ASMTL: variants seen among roughly 807,000 people sequenced by gnomAD.
The protein encoded by ASMTL is probable bifunctional dTTP/UTP pyrophosphatase/methyltransferase protein.
Under a neutral mutation model 60.3 loss-of-function variants are expected in ASMTL, and 57 were observed. That is an observed-to-expected ratio of 0.95 (90% CI 0.76 to 1.18). The LOEUF is 1.18. Ranked by LOEUF, ASMTL falls within the 50% of genes most tolerant of loss-of-function variation. ASMTL has a pLI of 0.00. For missense variants in ASMTL, 981 were observed against 852.6 expected (o/e 1.15, Z -1.88); for synonymous variants, 419 against 373.0 (o/e 1.12, Z -1.42).
At chrX:1,417,631 GCACACATATACCCACACAGACACA>G (rs1241110018) in intron 11 of ASMTL, among the ~76,000 whole-genome samples, 1 of 149,606 alleles carries the variant, frequency 6.7e-6, no homozygotes, top group African/African-American at 2.5e-5. Flanking sequence ...ACACAGACAT[GCACACATATACCCACACAGACACA>G]CACACATACT....
intron 6 of ASMTL, among the ~76,000 whole-genome samples, chrX:1,431,271 TTA>T (rs1352557714): frequency 2.3e-5 from 3 of 129,522 alleles, no homozygotes; most frequent in African/African-American, 8.6e-5. Flanking sequence ...AATTATATAT[TTA>T]TATATAAATA....
chrX:1,421,107 G>A (rs111928088), intron 9 of ASMTL, among the ~76,000 whole-genome samples: 13,471 of 151,850 alleles, frequency 0.089, 755 homozygotes, highest in Admixed American at 0.14. Flanking sequence ...CTACAGGCAC[G>A]CGCCATCATC....
intron 10 of ASMTL, 109 bp from the exon 11 acceptor site, chrX:1,418,225 C>T (rs1453370123): frequency 3.9e-6 from 5 of 1,280,154 alleles, no homozygotes; most frequent in Non-Finnish European, 5.3e-6. Flanking sequence ...GGCATTGATT[C>T]CCATGCTGGA....
At position 1,442,309 on chromosome X, in the gene ASMTL, C is replaced by A; in HGVS notation, c.102G>T (p.Arg34Ser). Reference protein sequence around the residue: ...RQEILSNAGLRFEVVPSKFKE... With the variant: ...RQEILSNAGLSFEVVPSKFKE... ...TAAACTTGGAGGGGACCACCTCAAA[C>A]CTGAGACCCTGCAACAGTAGAAAAG... Residue 34 changes from arginine to serine, a missense_variant, in exon 2 of 13, where the codon AGG becomes AGT. Arg to Ser is a moderately radical substitution (Grantham distance 110, BLOSUM62 -1). Coordinates refer to ENST00000381317, the MANE Select transcript of ASMTL (RefSeq NM_004192.4). 1.2e-6 allele frequency: 2 copies of A among 1,613,820 alleles called. No individual in the cohort carries two copies.
chrX:1,425,756 A>T, intron 7 of ASMTL, 69 bp from the exon 8 acceptor site: 1 of 1,520,000 alleles, frequency 6.6e-7, no homozygotes, highest in Non-Finnish European at 9.0e-7. Context: ...CACAGACTCA[A>T]AAGATGGAGG....
At chrX:1,406,605 T>A (rs777497394) in intron 12 of ASMTL, among the ~76,000 whole-genome samples, 71 of 150,228 alleles carry the variant, frequency 4.7e-4, no homozygotes, top group African/African-American at 1.7e-3. Context: ...GGTGAATAGA[T>A]AGGTAGGTAG....
chrX:1,411,416 C>A (rs2090015167), intron 12 of ASMTL, among the ~76,000 whole-genome samples: 1 of 152,160 alleles, frequency 6.6e-6, no homozygotes, highest in Non-Finnish European at 1.5e-5. Context: ...CCGTCAGATT[C>A]CCTCAGGGCC....
intron 12 of ASMTL, among the ~76,000 whole-genome samples, chrX:1,405,852 T>A (rs1383572527): frequency 6.6e-6 from 1 of 150,756 alleles, no homozygotes; most frequent in Non-Finnish European, 1.5e-5. Context: ...CATAGGTAGA[T>A]GGATGGATGG....
chrX:1,429,148 G>GC (rs778386157), intron 6 of ASMTL, among the ~76,000 whole-genome samples: 3,950 of 151,704 alleles, frequency 0.026, 85 homozygotes, highest in Middle Eastern at 0.041. Flanking sequence ...GCCTGCCTCG[G>GC]CCCCCCAAAG....
At chrX:1,450,117 C>T (rs1299684102) in intron 1 of ASMTL, among the ~76,000 whole-genome samples, 1 of 151,764 alleles carries the variant, frequency 6.6e-6, no homozygotes, top group African/African-American at 2.4e-5. Context: ...GTAACTATCA[C>T]CCCATTACCA....
chrX:1,413,102 C>T, intron 11 of ASMTL: 1 of 518,086 alleles, frequency 1.9e-6, no homozygotes, highest in East Asian at 3.0e-5. Context: ...GTGGCTCACA[C>T]CTGTAATCTC....
chrX:1,406,078 AGATG>A (rs1301418319), intron 12 of ASMTL, among the ~76,000 whole-genome samples: 10 of 149,354 alleles, frequency 6.7e-5, no homozygotes, highest in South Asian at 4.2e-4. Context: ...GGCATGGATG[AGATG>A]GATGGATGGG....
At chrX:1,451,522 TC>T (rs2091384351) in intron 1 of ASMTL, among the ~76,000 whole-genome samples, 2 of 94,348 alleles carry the variant, frequency 2.1e-5, no homozygotes. Context: ...TACTCTCCCC[TC>T]CCCCATCCCT....
intron 3 of ASMTL, 67 bp downstream of exon 3, chrX:1,439,030 G>C: frequency 6.6e-7 from 1 of 1,518,172 alleles, no homozygotes; most frequent in East Asian, 2.2e-5. Flanking sequence ...ATCCACAAGA[G>C]GCAGAATCAC....
chrX:1,434,987 C>G (rs762999720), intron 5 of ASMTL, 35 bp downstream of exon 5: 1 of 1,612,928 alleles, frequency 6.2e-7, no homozygotes, highest in South Asian at 1.1e-5. Context: ...TTGTCTCGGC[C>G]TCTGGGGCTA....
chrX:1,411,819 T>C, intron 12 of ASMTL, among the ~76,000 whole-genome samples: 1 of 114,562 alleles, frequency 8.7e-6, no homozygotes, highest in African/African-American at 2.8e-5. Flanking sequence ...TTTTTTTTTT[T>C]TTTTTTTTTT....
rs763287089 is a variant in ASMTL, at chrX:1,449,476, C to T, written c.93+3272G>A. On this transcript the variant is annotated intron_variant, in intron 1 of 12. Transcript: ENST00000381317. ...GAGGCACCCTGACCACTCTCATCCC[C>T]GTCACTAGGACCAGGCATGTGGTGT... 8.6e-5 allele frequency among the ~76,000 whole-genome samples: 13 copies of T among 151,998 alleles called. No homozygotes were observed. In the South Asian group the frequency reaches 1.2e-3, roughly 15 times the overall value.
At chrX:1,410,891 A>G (rs1222895850) in intron 12 of ASMTL, among the ~76,000 whole-genome samples, 1 of 151,968 alleles carries the variant, frequency 6.6e-6, no homozygotes, top group Non-Finnish European at 1.5e-5. Context: ...CCTCGTCTCA[A>G]AAAATATAAT....
At position 1,411,753 on chromosome X, in the gene ASMTL, C is replaced by T. The variant is rs145583185; in HGVS notation, c.1645+979G>A. ...CCTCCTCAAGAATGAAGACTTTTATCATGAGCCACTTCAACTTCACGAATA... is the reference window on the plus strand; with the variant it reads ...CCTCCTCAAGAATGAAGACTTTTATTATGAGCCACTTCAACTTCACGAATA... On this transcript the variant is annotated intron_variant, in intron 12 of 12. Coordinates refer to ENST00000381317, the MANE Select transcript of ASMTL (RefSeq NM_004192.4). Among the ~76,000 whole-genome samples the T allele has an allele frequency of 6.5e-4, 97 of 148,992 alleles. 1 individual carries two copies. The highest frequency in any genetic ancestry group is 2.3e-3 in the African/African-American group (94 of 40,318).
Sources: gnomAD v4.1 joint callset for allele counts (sites outside exome capture counted in the v4.1 genomes callset) on GRCh38, gnomAD v4.1.1 for gene constraint, MANE v1.5 for transcripts, NCBI Gene and HGNC (gene_info 2026-07-23, HGNC 2026-07-21) for gene names.